The following CDH22 variants were observed in gnomAD, a reference collection of about 807,000 sequenced individuals.
The protein encoded by CDH22 is cadherin-22.
A neutral mutation model predicts 58.4 loss-of-function variants in CDH22; 30 were observed. That is an observed-to-expected ratio of 0.51 (90% CI 0.38 to 0.70). The LOEUF is 0.70. CDH22 is among the 30% of genes least tolerant of loss of function. The pLI, the probability that CDH22 is intolerant of heterozygous loss-of-function variation, is 0.00. For synonymous variants in CDH22, 513 were observed against 558.2 expected (o/e 0.92, Z 1.14); for missense variants, 1,014 against 1,233.9 (o/e 0.82, Z 2.67).
chr20:46,274,337 C>T (rs1440081376), intron 1 of CDH22, among the ~76,000 whole-genome samples: 1 of 152,160 alleles, frequency 6.6e-6, no homozygotes, highest in Non-Finnish European at 1.5e-5. Flanking sequence ...CAACAAGGGT[C>T]TTTGGTGCCA....
At chr20:46,240,123 G>A (rs1338446623) in intron 3 of CDH22, among the ~76,000 whole-genome samples, 2 of 152,014 alleles carry the variant, frequency 1.3e-5, no homozygotes, top group Admixed American at 6.6e-5. Context: ...GGATCTCGGT[G>A]AGCTGTGGCT....
intron 5 of CDH22, among the ~76,000 whole-genome samples, chr20:46,214,573 C>G (rs1349570445): frequency 6.6e-6 from 1 of 152,176 alleles, no homozygotes; most frequent in Non-Finnish European, 1.5e-5. Context: ...CCAGCCTCAT[C>G]CTCCAATCCC....
At chr20:46,213,452 T>G (rs1396194356) in intron 5 of CDH22, among the ~76,000 whole-genome samples, 4 of 152,218 alleles carry the variant, frequency 2.6e-5, no homozygotes, top group Non-Finnish European at 5.9e-5. Context: ...TCTTTGGGCC[T>G]CAGTTTCCCT....
chr20:46,178,080 G>A lies in CDH22; in HGVS notation c.1781C>T (p.Thr594Met), dbSNP rs150995142. Residue 594 changes from threonine (T) to methionine (M), a missense_variant, in exon 11 of 12, where the codon ACG becomes ATG. Thr to Met is a moderately conservative substitution (Grantham distance 81). Around this residue, in one of 2 missense-constraint regions of CDH22, gnomAD observed 806 missense variants for 1,038.7 expected, o/e 0.78. Coordinates refer to ENST00000537909, the MANE Select transcript of CDH22 (RefSeq NM_021248.3). ...SGPPTLSSTGTLTIRICGCDS... is the reference protein window; with the variant it reads ...SGPPTLSSTGMLTIRICGCDS... Reference sequence around the variant, plus strand: ...GCAGCCACAGATGCGGATGGTGAGCGTGCCTGTGCTGCTCAGTGTGGGCGG... The same window carrying A: ...GCAGCCACAGATGCGGATGGTGAGCATGCCTGTGCTGCTCAGTGTGGGCGG... The A allele has an allele frequency of 8.1e-6, 13 of 1,613,976 alleles. No individual in the cohort carries two copies. The highest frequency in any genetic ancestry group is 1.0e-5 in the Non-Finnish European group (12 of 1,179,992).
chr20:46,206,090 G>A (rs1291503718), intron 7 of CDH22, among the ~76,000 whole-genome samples: 1 of 152,158 alleles, frequency 6.6e-6, no homozygotes, highest in Non-Finnish European at 1.5e-5. Context: ...TCGTTCACAC[G>A]GGCCAAGCTT....
At chr20:46,226,276 TCTTCTTCTTC>T (rs2086173243) in intron 4 of CDH22, among the ~76,000 whole-genome samples, 1 of 2,938 alleles carries the variant, frequency 3.4e-4, no homozygotes, top group Non-Finnish European at 1.0e-3. Context: ...TTCTTCTTCT[TCTTCTTCTTC>T]TTCTTCTTTT....
At chr20:46,281,430 G>A (rs1044691194) in intron 1 of CDH22, among the ~76,000 whole-genome samples, 1 of 147,128 alleles carries the variant, frequency 6.8e-6, no homozygotes, top group African/African-American at 2.4e-5. Flanking sequence ...TGATGTATAT[G>A]AGGACGTGTT....
In CDH22 at chr20:46,213,199, C is replaced by T. The variant is rs763503209; in HGVS notation, c.839-11G>A. ...TGAACTGGTACATCTCTGTGGGGGA[C>T]ACGGCCATGAGCAGGGATGAAGGCA... On this transcript the variant is annotated splice_polypyrimidine_tract_variant and intron_variant, in intron 5 of 11. Coordinates refer to ENST00000537909, the MANE Select transcript of CDH22 (RefSeq NM_021248.3). 6.8e-6 allele frequency: 11 copies of T among 1,613,396 alleles called. No individual in the cohort carries two copies. The highest frequency in any genetic ancestry group is 9.3e-6 in the Non-Finnish European group (11 of 1,179,582).
intron 5 of CDH22, among the ~76,000 whole-genome samples, chr20:46,214,183 G>A (rs1185608294): frequency 6.6e-6 from 1 of 152,148 alleles, no homozygotes; most frequent in African/African-American, 2.4e-5. Context: ...TGGCAAGATG[G>A]CTGTGTGGCT....
intron 1 of CDH22, among the ~76,000 whole-genome samples, chr20:46,257,943 T>G (rs542877136): frequency 6.2e-4 from 94 of 152,078 alleles, no homozygotes; most frequent in Non-Finnish European, 7.4e-4. Context: ...CAGAAGAAAG[T>G]GCTGTAGGGA....
intron 8 of CDH22, among the ~76,000 whole-genome samples, chr20:46,192,353 T>C (rs1036825750): frequency 1.3e-5 from 2 of 152,074 alleles, no homozygotes; most frequent in Admixed American, 6.5e-5. Context: ...ACTGACTCTG[T>C]TGTATCAGGG....
At chr20:46,207,205 T>C (rs977293603) in intron 7 of CDH22, among the ~76,000 whole-genome samples, 8 of 152,036 alleles carry the variant, frequency 5.3e-5, no homozygotes, top group Non-Finnish European at 1.2e-4. Context: ...CAAAGAGAGA[T>C]GAAAGAAGGT....
intron 3 of CDH22, among the ~76,000 whole-genome samples, chr20:46,232,940 C>A (rs924902388): frequency 1.3e-5 from 2 of 152,130 alleles, no homozygotes; most frequent in African/African-American, 2.4e-5. Context: ...ACAGAGAAGG[C>A]AGCACAGAGA....
In CDH22 at chr20:46,174,516, T is replaced by G. The variant is rs1392519258; in HGVS notation, c.2477A>C (p.Gln826Pro). The part of the protein sequence containing the change: ...YAGHRGDDEA[Q>P]AS ...CGGCAGGGCGAGGGGCTAGGAGGCC[T>G]GGGCCTCGTCGTCCCCGCGGTGGCC... The change falls in exon 12 of 12, where the codon CAG becomes CCG. Residue 826 changes from glutamine to proline, a missense_variant. Gln to Pro is a moderately conservative substitution (Grantham distance 76). Around this residue, in one of 2 missense-constraint regions of CDH22, gnomAD observed 208 missense variants for 195.2 expected, o/e 1.07. Coordinates refer to ENST00000537909, the MANE Select transcript of CDH22 (RefSeq NM_021248.3). This position sits in a 1 kb window ranked among gnomAD's most constrained non-coding sequence, Gnocchi z 4.4. The G allele has an allele frequency of 6.6e-7, 1 of 1,512,536 alleles. No individual in the cohort carries two copies. Among genetic ancestry groups the G allele is most frequent in the Non-Finnish European group, 8.8e-7 (1 of 1,137,036 alleles). The allele number at this position is 1,512,536 out of a possible 1,614,324, so 93.7% of individuals were successfully genotyped here.
chr20:46,249,990 T>G (rs2086358608), intron 2 of CDH22, among the ~76,000 whole-genome samples: 1 of 152,158 alleles, frequency 6.6e-6, no homozygotes, highest in South Asian at 2.1e-4. Flanking sequence ...CATGAAGCTT[T>G]TCATGCACCA....
intron 1 of CDH22, among the ~76,000 whole-genome samples, chr20:46,258,465 G>A (rs1293676465): frequency 2.0e-5 from 3 of 152,120 alleles, no homozygotes; most frequent in South Asian, 2.1e-4. Flanking sequence ...CGCAGGGCCC[G>A]GCCAGACTCA....
At chr20:46,222,944 C>G in intron 4 of CDH22, among the ~76,000 whole-genome samples, 1 of 152,244 alleles carries the variant, frequency 6.6e-6, no homozygotes, top group East Asian at 1.9e-4. Flanking sequence ...AATATAGACC[C>G]GCATCAGCAG....
At chr20:46,179,725 G>A (rs2145645996) in intron 10 of CDH22, among the ~76,000 whole-genome samples, 1 of 152,302 alleles carries the variant, frequency 6.6e-6, no homozygotes, top group South Asian at 2.1e-4. Flanking sequence ...CTCAGAAAGG[G>A]TATCATGCAG....
At chr20:46,220,220 G>C (rs1325794114) in intron 4 of CDH22, among the ~76,000 whole-genome samples, 2 of 151,888 alleles carry the variant, frequency 1.3e-5, no homozygotes, top group Admixed American at 1.3e-4. Context: ...ATAAACCAGA[G>C]AGAAAGCCAG....
Sources: allele counts gnomAD v4.1 joint callset (sites outside exome capture counted in the v4.1 genomes callset), GRCh38; gene constraint gnomAD v4.1.1; regional missense constraint gnomAD v4.1.1; non-coding constraint Gnocchi (gnomAD v3.1); transcripts MANE v1.5; gene names NCBI Gene and HGNC (gene_info 2026-07-23, HGNC 2026-07-21).